The following EIF3E variants were observed in gnomAD, a reference collection of about 807,000 sequenced individuals.
EIF3E encodes the protein eIF-3 p48.
In EIF3E, 25 loss-of-function variants were observed where a neutral mutation model predicts 59.3. The observed-to-expected ratio is 0.42, with a 90% CI of 0.31 to 0.59. The LOEUF (loss-of-function observed/expected upper bound fraction) is 0.59. EIF3E is among the 20% of genes least tolerant of loss of function. The pLI, the probability that EIF3E is intolerant of heterozygous loss-of-function variation, is 0.15. For missense variants in EIF3E, 317 were observed against 534.3 expected, an observed-to-expected ratio of 0.59 and a Z score of 4.01; for synonymous variants, 176 against 170.2, an observed-to-expected ratio of 1.03 and a Z score of -0.26.
At chr8:108,235,222 T>A (rs1815705018) in intron 4 of EIF3E, 120 bp from the exon 5 acceptor site, 4 of 531,460 alleles carry the variant, frequency 7.5e-6, no homozygotes, top group African/African-American at 2.0e-5. Flanking sequence ...CTAATGTATA[T>A]TTTATGAGTC....
intron 10 of EIF3E, among the ~76,000 whole-genome samples, chr8:108,205,126 G>T (rs1815076098): frequency 6.6e-6 from 1 of 152,054 alleles, no homozygotes; most frequent in Non-Finnish European, 1.5e-5. Context: ...GCTAAAATAA[G>T]ACCCTCATAA....
chr8:108,239,756 T>A (rs7838657), intron 3 of EIF3E, among the ~76,000 whole-genome samples: 2,107 of 152,186 alleles, frequency 0.014, 47 homozygotes, highest in African/African-American at 0.048. Context: ...AAGTTTTTTT[T>A]AGGAAAAAAA....
chr8:108,207,788 G>A (rs761465010), intron 10 of EIF3E, among the ~76,000 whole-genome samples: 2 of 152,114 alleles, frequency 1.3e-5, no homozygotes, highest in Admixed American at 6.5e-5. Flanking sequence ...ATTCTTAAGT[G>A]CTATTTCAAA....
At position 108,236,161 on chromosome 8, in the gene EIF3E, A is replaced by G. The variant is rs1028502790; in HGVS notation, c.366T>C (p.Gly122=). The change falls in exon 4 of 13, where the codon GGT becomes GGC. Residue 122 remains glycine (G), a splice_region_variant and synonymous_variant. Transcript: ENST00000220849. The part of the protein sequence containing the change: ...MLFDYLADKH[G]FRQEYLDTLY... ...TTTAAAATATTTTTAAAACACTTAC[A>G]CCATGCTTGTCCGCCAGGTAGTCAA... 3.1e-6 allele frequency: 5 copies of G among 1,610,042 alleles called. No homozygotes were observed. The African/African-American group carries it at 5.3e-5, about 17-fold the overall frequency.
At chr8:108,224,330 G>C (rs1236907404) in intron 7 of EIF3E, among the ~76,000 whole-genome samples, 3 of 151,500 alleles carry the variant, frequency 2.0e-5, no homozygotes, top group Admixed American at 6.6e-5. Flanking sequence ...TAAGAAATTA[G>C]AACTACTTTT....
At chr8:108,216,570 GC>G in intron 8 of EIF3E, 57 bp from the exon 9 acceptor site, 2 of 1,178,122 alleles carry the variant, frequency 1.7e-6, no homozygotes, top group Non-Finnish European at 2.5e-6. Context: ...TTAGCAGATT[GC>G]CCCAGAATAT....
intron 10 of EIF3E, among the ~76,000 whole-genome samples, chr8:108,207,917 A>G (rs1815132637): frequency 6.6e-6 from 1 of 152,158 alleles, no homozygotes; most frequent in South Asian, 2.1e-4. Flanking sequence ...GATCCCACTT[A>G]AGGACACAAG....
At chr8:108,242,666 C>T (rs371989526) in intron 1 of EIF3E, 32 of 1,127,874 alleles carry the variant, frequency 2.8e-5, no homozygotes, top group African/African-American at 2.6e-4. Context: ...AGAGCAAAAT[C>T]GAACCTTCCA....
At position 108,236,170 on chromosome 8, in the gene EIF3E, G is replaced by C. The variant is rs1177251152; in HGVS notation, c.357C>G (p.Asp119Glu). ...DGRMLFDYLA[D>E]KHGFRQEYLD... ...TTTTTAAAACACTTACACCATGCTT[G>C]TCCGCCAGGTAGTCAAAGAGCATCC... The change falls in exon 4 of 13, where the codon GAC becomes GAG. Residue 119 changes from aspartate to glutamate, a missense_variant. This residue lies in a region of EIF3E where 242 missense variants were observed against 398.0 expected (regional missense o/e 0.61). Transcript: ENST00000220849. The C allele has an allele frequency of 1.2e-6, 2 of 1,610,128 alleles. No individual in the cohort carries two copies. Among genetic ancestry groups the C allele is most frequent in the East Asian group, 2.2e-5 (1 of 44,722 alleles).
At position 108,240,056 on chromosome 8, in the gene EIF3E, G is replaced by A. The variant is rs773401449; in HGVS notation, c.225C>T (p.Thr75=). The A allele has an allele frequency of 6.2e-7, 1 of 1,613,644 alleles. No homozygotes were observed. The highest frequency in any genetic ancestry group is 2.2e-5 in the East Asian group (1 of 44,854). The change falls in exon 3 of 13, where the codon ACC becomes ACT. Residue 75 remains threonine, a synonymous_variant. Coordinates refer to ENST00000220849, the MANE Select transcript of EIF3E (RefSeq NM_001568.3). ...GCTGTTTCAGTTGTGCAACCACTGT[G>A]GTTCTTTTCTCTCTCAAAGCTAATT... The part of the protein sequence containing the change: ...DIPHALREKR[T]TVVAQLKQLQ...
intron 7 of EIF3E, among the ~76,000 whole-genome samples, chr8:108,222,535 C>T (rs1815437197): frequency 6.6e-6 from 1 of 152,230 alleles, no homozygotes; most frequent in Admixed American, 6.5e-5. Context: ...TTACTTCAAA[C>T]ATGACCAAAA....
At chr8:108,241,970 T>G (rs553338588) in intron 1 of EIF3E, 57 bp from the exon 2 acceptor site, 2 of 1,280,702 alleles carry the variant, frequency 1.6e-6, no homozygotes, top group South Asian at 2.8e-5. Context: ...ATAAACTGAT[T>G]AATACTAAAA....
chr8:108,213,579 C>T (rs1007280008), intron 10 of EIF3E, among the ~76,000 whole-genome samples: 61 of 152,222 alleles, frequency 4.0e-4, no homozygotes, highest in African/African-American at 1.4e-3. Flanking sequence ...TTTCACAAGC[C>T]CTAATTACAA....
intron 6 of EIF3E, 152 bp from the exon 7 acceptor site, chr8:108,228,543 C>T (rs1815561784): frequency 2.0e-6 from 1 of 498,398 alleles, no homozygotes; most frequent in African/African-American, 2.0e-5. Context: ...ACCCCCTATG[C>T]CTTCTCTCTA....
At chr8:108,217,577 T>C in intron 7 of EIF3E, 117 bp from the exon 8 acceptor site, 1 of 784,850 alleles carries the variant, frequency 1.3e-6, no homozygotes, top group Non-Finnish European at 1.9e-6. Context: ...CACTTAAGAA[T>C]GAGTATTATA....
At chr8:108,228,942 G>C (rs1815571294) in intron 6 of EIF3E, 128 bp downstream of exon 6, 6 of 1,019,836 alleles carry the variant, frequency 5.9e-6, no homozygotes, top group South Asian at 5.4e-5. Flanking sequence ...TATGATTTTT[G>C]TAAGGTCAAC....
intron 10 of EIF3E, among the ~76,000 whole-genome samples, chr8:108,211,815 A>C (rs1815215535): frequency 6.6e-6 from 1 of 152,190 alleles, no homozygotes; most frequent in South Asian, 2.1e-4. Context: ...CTACTCAATA[A>C]ATCTGATTCA....
chr8:108,246,711 A>C (rs1815956529), intron 1 of EIF3E, among the ~76,000 whole-genome samples: 1 of 152,136 alleles, frequency 6.6e-6, no homozygotes, highest in Admixed American at 6.5e-5. Context: ...AAACAGCAAG[A>C]CCAACCCCTC....
In EIF3E at chr8:108,201,686, C is replaced by T; in HGVS notation, c.*199G>A. 4.2e-6 allele frequency: 2 copies of T among 475,012 alleles called. No homozygotes were observed. Among genetic ancestry groups the T allele is most frequent in the Non-Finnish European group, 3.6e-6 (1 of 280,302 alleles). The allele number at this position is 475,012 out of a possible 1,614,324, so 29.4% of individuals were successfully genotyped here. ...CAAATTCCTCTGAATATAATTATTC[C>T]AAAAAAGAAAGTTAAAAAAACACAA... On this transcript the variant is annotated 3_prime_UTR_variant, in exon 13 of 13. Transcript: ENST00000220849.
Sources: allele counts gnomAD v4.1 joint callset (sites outside exome capture counted in the v4.1 genomes callset), GRCh38; gene constraint gnomAD v4.1.1; regional missense constraint gnomAD v4.1.1; transcripts MANE v1.5; gene names NCBI Gene and HGNC (gene_info 2026-07-23, HGNC 2026-07-21).